The following TANK variants were observed in gnomAD, a reference collection of about 807,000 sequenced individuals.
TANK encodes TRAF family member-associated NF-kappa-B activator.
Under a neutral mutation model 43.6 loss-of-function variants are expected in TANK, and 15 were observed. That is an observed-to-expected ratio of 0.34 (90% CI 0.23 to 0.53). TANK has a LOEUF of 0.53. Among genes scored for constraint, TANK ranks in the 20% least tolerant of loss-of-function variants. The pLI, the probability that TANK is intolerant of heterozygous loss-of-function variation, is 0.94. For synonymous variants in TANK, 162 were observed against 178.2 expected, an observed-to-expected ratio of 0.91 and a Z score of 0.73; for missense variants, 417 against 498.6, an observed-to-expected ratio of 0.84 and a Z score of 1.56.
intron 1 of TANK, among the ~76,000 whole-genome samples, chr2:161,173,553 G>A (rs558064318): frequency 4.3e-4 from 66 of 151,884 alleles, no homozygotes; most frequent in Non-Finnish European, 8.2e-4. Flanking sequence ...AATGAAATGC[G>A]TAAATCTCTA....
upstream of TANK, chr2:161,156,274 A>G: frequency 1.0e-6 from 1 of 985,372 alleles, no homozygotes; most frequent in Middle Eastern, 5.2e-4. Context: ...ATTCTGCAAT[A>G]CTGATTCCAT....
At chr2:161,170,609 A>G (rs999739208) in intron 1 of TANK, among the ~76,000 whole-genome samples, 7 of 152,162 alleles carry the variant, frequency 4.6e-5, no homozygotes, top group Non-Finnish European at 7.4e-5. Context: ...AATCCATCTT[A>G]CATCTCCCCA....
At chr2:161,187,759 A>T (rs540735717) in intron 2 of TANK, among the ~76,000 whole-genome samples, 31 of 152,330 alleles carry the variant, frequency 2.0e-4, no homozygotes, top group Non-Finnish European at 4.3e-4. Flanking sequence ...CCCAGCAACA[A>T]CAGAATACAC....
At chr2:161,181,144 T>C (rs764426602) in intron 2 of TANK, among the ~76,000 whole-genome samples, 6 of 152,098 alleles carry the variant, frequency 3.9e-5, no homozygotes, top group Non-Finnish European at 7.4e-5. Flanking sequence ...TTGACGGCCA[T>C]GCATGGTGGC....
intron 4 of TANK, chr2:161,212,034 G>A: frequency 3.6e-6 from 3 of 833,794 alleles, no homozygotes; most frequent in Non-Finnish European, 4.3e-6. Context: ...TAAAAGTTCA[G>A]TTTTTTCCAA....
chr2:161,164,797 G>A (rs982895920), intron 1 of TANK, among the ~76,000 whole-genome samples: 3 of 152,034 alleles, frequency 2.0e-5, no homozygotes, highest in Admixed American at 6.6e-5. Context: ...GTTCAATAAT[G>A]TTAAGTGCAT....
intron 1 of TANK, among the ~76,000 whole-genome samples, chr2:161,176,082 C>A (rs956981209): frequency 2.0e-5 from 3 of 152,106 alleles, no homozygotes; most frequent in Admixed American, 2.0e-4. Flanking sequence ...ATGAGCTTAA[C>A]CATGAGATTT....
chr2:161,232,991 A>C, intron 7 of TANK: 2 of 930,682 alleles, frequency 2.1e-6, no homozygotes, highest in South Asian at 4.2e-5. Context: ...ATTTCTTAAA[A>C]TGAGTTTTTT....
Position 161,151,076 on chromosome 2 carries a change from T to G in TANK, c.-50+14013T>G, listed in dbSNP as rs185811144. 5.5e-3 allele frequency among the ~76,000 whole-genome samples: 839 copies of G among 152,344 alleles called. 4 individuals carry two copies. Among genetic ancestry groups the G allele is most frequent in the Non-Finnish European group, 9.0e-3 (615 of 68,024 alleles). On this transcript the variant is annotated intron_variant, in intron 1 of 7. Coordinates refer to the TANK transcript ENST00000259075. ...AATGTGTTGCTTAATTTGCACATAT[T>G]TGTAAATTTTTTAGTTTTCCTTGTA...
At chr2:161,156,229 G>T, upstream of TANK, 4 of 985,312 alleles carry the variant, frequency 4.1e-6, no homozygotes, top group Non-Finnish European at 4.8e-6. Context: ...TTTTGGAAGA[G>T]TTTTTCAAGC....
intron 1 of TANK, among the ~76,000 whole-genome samples, chr2:161,177,721 A>G (rs1052008835): frequency 2.6e-5 from 4 of 152,160 alleles, no homozygotes; most frequent in African/African-American, 9.6e-5. Flanking sequence ...AGAGGACACT[A>G]TCAAGAAGTG....
Position 161,160,476 on chromosome 2 carries a change from G to A in TANK, c.-60G>A, listed in dbSNP as rs1684364406. The A allele has an allele frequency of 8.0e-7, 1 of 1,243,860 alleles. No homozygotes were observed. Among genetic ancestry groups the A allele is most frequent in the South Asian group, 3.6e-5 (1 of 27,904 alleles). The allele number at this position is 1,243,860 out of a possible 1,614,324, so 77.1% of individuals were successfully genotyped here. ...GAGGGGAGAGGGAACGCAGCTGAAA[G>A]CGTGAACTGTGTGAGTAAGAAACTT... On this transcript the variant is annotated 5_prime_UTR_variant, in exon 1 of 8. Coordinates refer to ENST00000392749, the MANE Select transcript of TANK (RefSeq NM_001199135.3).
intron 1 of TANK, among the ~76,000 whole-genome samples, chr2:161,140,530 C>G (rs1004999684): frequency 6.6e-6 from 1 of 151,444 alleles, no homozygotes; most frequent in Non-Finnish European, 1.5e-5. Flanking sequence ...TCTATTTCTT[C>G]TATAGTTAGC....
upstream of TANK, among the ~76,000 whole-genome samples, chr2:161,155,508 T>C (rs534809350): frequency 7.2e-5 from 11 of 152,222 alleles, no homozygotes; most frequent in Non-Finnish European, 1.5e-4. Flanking sequence ...TGTTTGAACC[T>C]TGAGGTATCT....
intron 4 of TANK, among the ~76,000 whole-genome samples, chr2:161,218,532 G>A (rs1423182579): frequency 6.6e-6 from 1 of 152,146 alleles, no homozygotes; most frequent in Non-Finnish European, 1.5e-5. Context: ...ACGTAATTCA[G>A]AAGATTTTGT....
intron 1 of TANK, among the ~76,000 whole-genome samples, chr2:161,155,123 A>G (rs1684189784): frequency 6.6e-6 from 1 of 152,154 alleles, no homozygotes; most frequent in African/African-American, 2.4e-5. Context: ...TACATCTTCA[A>G]TTATTAGAAT....
intron 1 of TANK, among the ~76,000 whole-genome samples, chr2:161,162,087 T>C (rs1224544310): frequency 6.6e-6 from 1 of 152,176 alleles, no homozygotes; most frequent in Admixed American, 6.5e-5. Flanking sequence ...AATCATTTGT[T>C]GAAATCATTT....
chr2:161,160,373 C>T (rs1035669491), upstream of TANK: 3 of 1,200,910 alleles, frequency 2.5e-6, no homozygotes, highest in African/African-American at 3.1e-5. Flanking sequence ...TTAATGGCTC[C>T]GCGCGCAGGC....
intron 4 of TANK, 58 bp from the exon 5 acceptor site, chr2:161,223,857 C>T: frequency 8.5e-7 from 1 of 1,172,164 alleles, no homozygotes; most frequent in Non-Finnish European, 1.2e-6. Flanking sequence ...TTTACTCGAC[C>T]TCATTTGAAT....
Sources: gnomAD v4.1 joint callset for allele counts (sites outside exome capture counted in the v4.1 genomes callset) on GRCh38, gnomAD v4.1.1 for gene constraint, MANE v1.5 for transcripts, NCBI Gene and HGNC (gene_info 2026-07-23, HGNC 2026-07-21) for gene names.